EPN2: variants seen among roughly 807,000 people sequenced by gnomAD.
EPN2 encodes epsin-2.
EPN2 carries 34 observed loss-of-function variants against 61.7 expected under a neutral mutation model. The observed-to-expected ratio is 0.55, with a 90% CI of 0.42 to 0.73. EPN2 has a LOEUF of 0.73. Ranked by LOEUF, EPN2 falls within the 30% of genes least tolerant of loss-of-function variation. The pLI is 0.00. For missense variants in EPN2, 714 were observed against 839.2 expected (o/e 0.85, Z 1.84); for synonymous variants, 349 against 353.6 (o/e 0.99, Z 0.15).
At chr17:19,245,996 A>T (rs988436232) in intron 1 of EPN2, among the ~76,000 whole-genome samples, 2 of 150,942 alleles carry the variant, frequency 1.3e-5, no homozygotes, top group African/African-American at 4.9e-5. Flanking sequence ...TGATCCTCCT[A>T]CCTCGGGCTC....
chr17:19,251,808 T>C (rs1258466594), intron 1 of EPN2, among the ~76,000 whole-genome samples: 2 of 152,096 alleles, frequency 1.3e-5, no homozygotes, highest in Admixed American at 6.6e-5. Context: ...TCTGAACTGC[T>C]TGGGACTAGA....
At chr17:19,277,822 C>G (rs1222238546) in intron 1 of EPN2, among the ~76,000 whole-genome samples, 1 of 152,156 alleles carries the variant, frequency 6.6e-6, no homozygotes, top group Admixed American at 6.5e-5. Flanking sequence ...CCTGTAATCC[C>G]AGCACTCTGG....
At chr17:19,255,580 T>C in intron 1 of EPN2, among the ~76,000 whole-genome samples, 1 of 149,856 alleles carries the variant, frequency 6.7e-6, no homozygotes, top group Non-Finnish European at 1.5e-5. Flanking sequence ...TTTTTTTTTT[T>C]TTAAGTGCCA....
intron 1 of EPN2, among the ~76,000 whole-genome samples, chr17:19,256,308 G>C (rs1214055621): frequency 6.6e-6 from 1 of 151,578 alleles, no homozygotes; most frequent in East Asian, 1.9e-4. Flanking sequence ...TCCAAAAGCT[G>C]GGCGTGATGG....
chr17:19,255,470 T>TTATG (rs1352324131), intron 1 of EPN2, among the ~76,000 whole-genome samples: 1 of 149,666 alleles, frequency 6.7e-6, no homozygotes, highest in Non-Finnish European at 1.5e-5. Flanking sequence ...ATTTATTTAT[T>TTATG]TATTTATTTA....
At chr17:19,333,847 C>T in intron 10 of EPN2, 109 bp from the exon 11 acceptor site, 8 of 881,120 alleles carry the variant, frequency 9.1e-6, no homozygotes, top group Non-Finnish European at 1.3e-5. Flanking sequence ...CTGTCACGGG[C>T]TCTGAGGGCA....
intron 4 of EPN2, among the ~76,000 whole-genome samples, chr17:19,300,538 C>T (rs1183408359): frequency 4.1e-5 from 6 of 146,190 alleles, no homozygotes; most frequent in African/African-American, 1.5e-4. Flanking sequence ...AGGCGATTCT[C>T]CTGCCTCAGC....
rs1356187351 is a variant in EPN2 at position 19,334,080 on chromosome 17, A to G, written c.1752A>G (p.Gly584=). ...GTSTSFGPGP[G]VESMAVASMT... is the part of the protein sequence containing the mutation. ...GCACATCCTTTGGGCCTGGCCCAGG[A>G]GTGGAGTCCATGGCTGTGGCCTCGA... The change falls in exon 11 of 11, where the codon GGA becomes GGG. Residue 584 remains glycine (G), a synonymous_variant. Coordinates refer to ENST00000314728, the MANE Select transcript of EPN2 (RefSeq NM_014964.5). The surrounding 1 kb of genome is among the most constrained non-coding windows in gnomAD (Gnocchi z 4.9). 6.2e-7 allele frequency: 1 copy of G among 1,610,438 alleles called. No homozygotes were observed. Among genetic ancestry groups the G allele is most frequent in the East Asian group, 2.2e-5 (1 of 44,778 alleles).
rs2045391885 is a variant in EPN2 at position 19,285,089 on chromosome 17, A to AG, written c.596-529dup. 6.6e-6 allele frequency among the ~76,000 whole-genome samples: 1 copy of AG among 152,192 alleles called. No homozygotes were observed. Among genetic ancestry groups the AG allele is most frequent in the African/African-American group, 2.4e-5 (1 of 41,444 alleles). ...AGGATCCTCTTACCAACCCCCAGAG[A>AG]GGCTCTCTTTGGATTGAGTTGGTCC... is the stretch of plus-strand genomic sequence containing the variant. On this transcript the variant is annotated intron_variant, in intron 3 of 10. Coordinates refer to ENST00000314728, the MANE Select transcript of EPN2 (RefSeq NM_014964.5). This position sits in a 1 kb window ranked among gnomAD's most constrained non-coding sequence, Gnocchi z 4.5.
chr17:19,314,544 G>A (rs746620999), intron 7 of EPN2, among the ~76,000 whole-genome samples: 7 of 152,226 alleles, frequency 4.6e-5, no homozygotes, highest in South Asian at 2.1e-4. Flanking sequence ...GCCTTACCAA[G>A]TGCTTGGACT....
intron 4 of EPN2, among the ~76,000 whole-genome samples, chr17:19,290,348 T>A (rs2045450821): frequency 6.6e-6 from 1 of 152,056 alleles, no homozygotes; most frequent in Non-Finnish European, 1.5e-5. Context: ...CTGGCCACAG[T>A]GTCAAAAGGC....
chr17:19,300,441 T>TTTG (rs1955353086), intron 4 of EPN2, among the ~76,000 whole-genome samples: 1 of 149,172 alleles, frequency 6.7e-6, no homozygotes, highest in Non-Finnish European at 1.5e-5. Flanking sequence ...TTTTTTTTTT[T>TTTG]TTTTTGGAGA....
At chr17:19,282,818 T>G in intron 2 of EPN2, 132 bp from the exon 3 acceptor site, 1 of 276,022 alleles carries the variant, frequency 3.6e-6, no homozygotes, top group Non-Finnish European at 6.8e-6. Context: ...GATTTTATCT[T>G]GGGTTCGTCC....
Position 19,329,629 on chromosome 17 carries a change from C to T in EPN2, c.1393C>T (p.Arg465Trp), listed in dbSNP as rs115874354. Residue 465 changes from arginine to tryptophan, a missense_variant, in exon 9 of 11, where the codon CGG becomes TGG. Coordinates refer to ENST00000314728, the MANE Select transcript of EPN2 (RefSeq NM_014964.5). ...TGACTTTTCTGAATTTGACAACCTTCGGACTTCAAAAAAAACAGGTATGTA... is the reference window on the plus strand; with the variant it reads ...TGACTTTTCTGAATTTGACAACCTTTGGACTTCAAAAAAAACAGGTATGTA... ...KDDFSEFDNL[R>W]TSKKTAESVT... 70 of 1,610,336 alleles carry T rather than the reference C, an allele frequency of 4.3e-5. No individual in the cohort carries two copies. In the East Asian group the frequency reaches 1.1e-3, roughly 25 times the overall value.
intron 4 of EPN2, among the ~76,000 whole-genome samples, chr17:19,287,026 G>T (rs1370491103): frequency 1.3e-5 from 2 of 152,106 alleles, no homozygotes; most frequent in Non-Finnish European, 2.9e-5. Flanking sequence ...AACTGACAAG[G>T]TCTGTTTTGA....
At chr17:19,298,449 A>G (rs761517929) in intron 4 of EPN2, among the ~76,000 whole-genome samples, 1 of 152,088 alleles carries the variant, frequency 6.6e-6, no homozygotes, top group African/African-American at 2.4e-5. Context: ...TGCCCACCTC[A>G]AGGTCAGCTT....
rs148893754 is a variant in EPN2, at chr17:19,309,698, T to C, written c.767-187T>C. On this transcript the variant is annotated intron_variant, in intron 4 of 10. Transcript: ENST00000314728. ...CTTCTGTAGTTGGGAAAGCTACGTT[T>C]GACTGTCACTTGATTTTAACATTCA... Among the ~76,000 whole-genome samples the C allele has an allele frequency of 8.5e-5, 13 of 152,340 alleles. No individual in the cohort carries two copies. The East Asian group carries it at 2.3e-3, about 27-fold the overall frequency.
At chr17:19,318,092 C>T (rs1189945096) in intron 7 of EPN2, among the ~76,000 whole-genome samples, 2 of 152,222 alleles carry the variant, frequency 1.3e-5, no homozygotes, top group African/African-American at 4.8e-5. Context: ...TCCCCAGTGT[C>T]ACTTGCAGAA....
intron 10 of EPN2, among the ~76,000 whole-genome samples, chr17:19,332,576 G>C (rs1907213906): frequency 6.6e-6 from 1 of 152,150 alleles, no homozygotes; most frequent in Admixed American, 6.5e-5. Context: ...TGTTCAATTG[G>C]GTATCCAGGG....
Sources: gnomAD v4.1 joint callset for allele counts (sites outside exome capture counted in the v4.1 genomes callset) on GRCh38, gnomAD v4.1.1 for gene constraint, Gnocchi (gnomAD v3.1) non-coding constraint, MANE v1.5 for transcripts, NCBI Gene and HGNC (gene_info 2026-07-23, HGNC 2026-07-21) for gene names.